Variants in NSUN6 observed in about 807,000 individuals in gnomAD.
NSUN6 encodes the protein NOP2/Sun RNA methyltransferase 6, also known as tRNA (cytosine(72)-C(5))-methyltransferase NSUN6.
NSUN6 carries 64 observed loss-of-function variants against 58.0 expected under a neutral mutation model. That is an observed-to-expected ratio of 1.10 (90% CI 0.90 to 1.36). The LOEUF is 1.36. NSUN6 is among the 40% of genes most tolerant of loss of function. The pLI is 0.00. For missense variants in NSUN6, 701 were observed against 550.1 expected, an observed-to-expected ratio of 1.27 and a Z score of -2.74; for synonymous variants, 231 against 193.9, an observed-to-expected ratio of 1.19 and a Z score of -1.59.
At chr10:18,608,763 A>G (rs74118267) in intron 6 of NSUN6, among the ~76,000 whole-genome samples, 1,541 of 152,310 alleles carry the variant, frequency 0.01, 26 homozygotes, top group African/African-American at 0.035. Context: ...GCAATGACTC[A>G]GGGCTACGTT....
Position 18,545,737 on chromosome 10 carries a change from A to G in NSUN6, c.*196T>C. ...TACATAAAAAAAAAAAATCTTTTAAAAACAGAAAATATAATCTCATACCAC... is the reference window on the plus strand; with the variant it reads ...TACATAAAAAAAAAAAATCTTTTAAGAACAGAAAATATAATCTCATACCAC... On this transcript the variant is annotated 3_prime_UTR_variant, in exon 11 of 11. Coordinates refer to ENST00000377304, the MANE Select transcript of NSUN6 (RefSeq NM_182543.5). The G allele has an allele frequency of 3.8e-6, 2 of 519,584 alleles. No individual in the cohort carries two copies. The highest frequency in any genetic ancestry group is 5.4e-5 in the South Asian group (2 of 36,852). 32.2% of individuals were successfully genotyped at this position (519,584 alleles called of 1,614,324 possible). A position where few individuals can be genotyped will look rare whatever the true frequency, so the allele number is the denominator to read the frequency against.
upstream of NSUN6, among the ~76,000 whole-genome samples, chr10:18,658,846 A>G (rs567797207): frequency 2.0e-5 from 3 of 152,218 alleles, no homozygotes; most frequent in East Asian, 3.9e-4. Context: ...CAATCGATCA[A>G]TCAATCAATG....
intron 8 of NSUN6, among the ~76,000 whole-genome samples, chr10:18,577,476 C>T (rs2056707535): frequency 6.6e-6 from 1 of 152,078 alleles, no homozygotes; most frequent in Non-Finnish European, 1.5e-5. Context: ...ATCACGCATC[C>T]ATGGGTTGGT....
At chr10:18,562,506 AGAATGGAGAATGGAATAGAATG>A (rs944536132) in intron 8 of NSUN6, among the ~76,000 whole-genome samples, 25 of 148,002 alleles carry the variant, frequency 1.7e-4, no homozygotes, top group Admixed American at 2.7e-4. Flanking sequence ...AGAATGAAGA[AGAATGGAGAATGGAATAGAATG>A]GAATGGAGAA....
chr10:18,593,642 G>A (rs1452960976), intron 7 of NSUN6, among the ~76,000 whole-genome samples: 2 of 152,084 alleles, frequency 1.3e-5, no homozygotes, highest in Non-Finnish European at 1.5e-5. Context: ...TCACTCATAA[G>A]TGGGAGTTGA....
chr10:18,652,655 G>C (rs1190663362), upstream of NSUN6: 12 of 767,312 alleles, frequency 1.6e-5, no homozygotes, highest in East Asian at 1.3e-4. Flanking sequence ...CCACCTCCTG[G>C]TTCAAGAGAT....
In NSUN6 at chr10:18,616,307, A is replaced by C; in HGVS notation, c.312-14T>G. The C allele has an allele frequency of 6.6e-7, 1 of 1,520,538 alleles. No individual in the cohort carries two copies. Among genetic ancestry groups the C allele is most frequent in the Non-Finnish European group, 9.1e-7 (1 of 1,095,518 alleles). 94.2% of individuals were successfully genotyped at this position (1,520,538 alleles called of 1,614,324 possible). A position where few individuals can be genotyped will look rare whatever the true frequency, so the allele number is the denominator to read the frequency against. The stretch of plus-strand genomic sequence containing the variant: ...TTAATATTCTTTCTAGAAATGTAAG[A>C]CACAAGAAGTTTAATAGTAACATAC... On this transcript the variant is annotated splice_polypyrimidine_tract_variant and intron_variant, in intron 3 of 10. Coordinates refer to ENST00000377304, the MANE Select transcript of NSUN6 (RefSeq NM_182543.5).
chr10:18,616,333 C>T (rs762942490), intron 3 of NSUN6, 40 bp from the exon 4 acceptor site: 28 of 1,193,728 alleles, frequency 2.3e-5, no homozygotes, highest in Non-Finnish European at 3.1e-5. Context: ...AGTAACATAC[C>T]TCCAATGCCT....
chr10:18,617,171 G>A (rs1341345990), intron 3 of NSUN6, among the ~76,000 whole-genome samples: 1 of 145,846 alleles, frequency 6.9e-6, no homozygotes, highest in Non-Finnish European at 1.5e-5. Flanking sequence ...AAATTCTAAT[G>A]TTTAGCCTTT....
intron 3 of NSUN6, among the ~76,000 whole-genome samples, chr10:18,638,680 G>A (rs966175726): frequency 5.3e-5 from 8 of 152,004 alleles, no homozygotes; most frequent in African/African-American, 1.9e-4. Flanking sequence ...ATACTATGTG[G>A]CCTGAAACAA....
upstream of NSUN6, among the ~76,000 whole-genome samples, chr10:18,655,933 CAT>C (rs1348426746): frequency 6.6e-6 from 1 of 152,124 alleles, no homozygotes; most frequent in East Asian, 1.9e-4. Context: ...TGACCAAAGT[CAT>C]AGACCTACGG....
At chr10:18,614,697 T>A in intron 4 of NSUN6, 84 bp from the exon 5 acceptor site, 1 of 570,116 alleles carries the variant, frequency 1.8e-6, no homozygotes, top group Non-Finnish European at 2.7e-6. Context: ...ATCGGTGATC[T>A]CTAGAGGCAT....
chr10:18,621,847 C>G (rs1315092643), intron 3 of NSUN6, among the ~76,000 whole-genome samples: 1 of 152,170 alleles, frequency 6.6e-6, no homozygotes, highest in Non-Finnish European at 1.5e-5. Context: ...CCTACACATA[C>G]TAACAACCCT....
intron 1 of NSUN6, among the ~76,000 whole-genome samples, 175 bp downstream of exon 1, chr10:18,650,954 G>A (rs2059686082): frequency 6.6e-6 from 1 of 151,860 alleles, no homozygotes; most frequent in Non-Finnish European, 1.5e-5. Flanking sequence ...TATTCACTTC[G>A]TATCTCAGTA....
intron 2 of NSUN6, among the ~76,000 whole-genome samples, chr10:18,647,671 A>G (rs1056840435): frequency 1.3e-5 from 2 of 151,384 alleles, no homozygotes; most frequent in Non-Finnish European, 2.9e-5. Context: ...AAATAGATTC[A>G]GATTCATCAT....
At chr10:18,622,815 G>A (rs993702131) in intron 3 of NSUN6, among the ~76,000 whole-genome samples, 2 of 152,222 alleles carry the variant, frequency 1.3e-5, no homozygotes, top group African/African-American at 4.8e-5. Context: ...AATTGTGAAA[G>A]AAAGGAAGAA....
chr10:18,552,997 A>C (rs1589821563), intron 8 of NSUN6, among the ~76,000 whole-genome samples: 2 of 138,726 alleles, frequency 1.4e-5, no homozygotes, highest in African/African-American at 5.4e-5. Flanking sequence ...ATTCTATTCC[A>C]CTCCATTCTC....
intron 6 of NSUN6, among the ~76,000 whole-genome samples, chr10:18,603,151 G>C (rs946498316): frequency 6.6e-6 from 1 of 152,164 alleles, no homozygotes; most frequent in African/African-American, 2.4e-5. Context: ...AAATTAGCCA[G>C]ATGTGGTTGA....
intron 5 of NSUN6, among the ~76,000 whole-genome samples, chr10:18,612,421 A>C (rs968244698): frequency 2.6e-4 from 40 of 152,180 alleles, no homozygotes. Flanking sequence ...TATTTCTAAA[A>C]GAAAAAAGCA....
Sources: allele counts gnomAD v4.1 joint callset (sites outside exome capture counted in the v4.1 genomes callset), GRCh38; gene constraint gnomAD v4.1.1; transcripts MANE v1.5; gene names NCBI Gene and HGNC (gene_info 2026-07-23, HGNC 2026-07-21).